Variants in MAD1L1 observed in about 807,000 individuals in gnomAD.
MAD1L1 encodes mitotic arrest deficient 1 like 1, also known as mitotic spindle assembly checkpoint protein MAD1.
Under a neutral mutation model 96.9 loss-of-function variants are expected in MAD1L1, and 95 were observed. The ratio of observed to expected loss-of-function variants is 0.98; its 90% confidence interval spans 0.83 to 1.16. The LOEUF (loss-of-function observed/expected upper bound fraction) is 1.16. MAD1L1 is among the 50% of genes most tolerant of loss of function. The pLI, the probability that MAD1L1 is intolerant of heterozygous loss-of-function variation, is 0.00. For missense variants in MAD1L1, 1,007 were observed against 954.4 expected, an observed-to-expected ratio of 1.06 and a Z score of -0.73; for synonymous variants, 473 against 396.6, an observed-to-expected ratio of 1.19 and a Z score of -2.29.
At chr7:2,202,853 T>C (rs530612062) in intron 10 of MAD1L1, among the ~76,000 whole-genome samples, 8 of 152,348 alleles carry the variant, frequency 5.3e-5, no homozygotes, top group Middle Eastern at 3.4e-3. Flanking sequence ...GTCCTCCTAA[T>C]TGGCCTCACA....
intron 11 of MAD1L1, among the ~76,000 whole-genome samples, chr7:2,108,870 G>T (rs1247515654): frequency 1.3e-5 from 2 of 152,238 alleles, no homozygotes; most frequent in Non-Finnish European, 2.9e-5. Flanking sequence ...CCCGATCCAC[G>T]ATCAGTTCCA....
At chr7:1,869,776 C>T (rs2128654492) in intron 18 of MAD1L1, among the ~76,000 whole-genome samples, 1 of 152,314 alleles carries the variant, frequency 6.6e-6, no homozygotes, top group Non-Finnish European at 1.5e-5. Context: ...CCATGGAACA[C>T]ATCACGACTG....
At position 1,898,203 on chromosome 7, in the gene MAD1L1, G is replaced by C. The variant is rs1361331540; in HGVS notation, c.1995C>G (p.Phe665Leu). ...AGCCGTCACACGCAGGACCCACCTT[G>C]AAGATGAGGCAGTCGCCTGGGTGCT... ...YAEHPGDCLI[F>L]KATSPSGSKM... Residue 665 changes from phenylalanine (F) to leucine (L), a missense_variant, in exon 18 of 19, where the codon TTC (phenylalanine) becomes TTG (leucine). By Grantham distance (22) the Phe-to-Leu change is conservative (BLOSUM62 0). Coordinates refer to ENST00000265854, the MANE Select transcript of MAD1L1 (RefSeq NM_001013836.2). The C allele has an allele frequency of 1.9e-6, 3 of 1,607,436 alleles. No individual in the cohort carries two copies. The African/African-American group carries it at 4.0e-5, about 21-fold the overall frequency.
chr7:1,917,702 G>T (rs756209047), intron 17 of MAD1L1, among the ~76,000 whole-genome samples: 1 of 152,232 alleles, frequency 6.6e-6, no homozygotes, highest in Non-Finnish European at 1.5e-5. Context: ...CGTAGCAAGA[G>T]CAAGAGGGCT....
chr7:2,048,935 T>A (rs1198830769), intron 12 of MAD1L1, among the ~76,000 whole-genome samples: 6 of 152,346 alleles, frequency 3.9e-5, no homozygotes, highest in Non-Finnish European at 8.8e-5. Context: ...GCCATTTTCA[T>A]CAGGGTCCCA....
At chr7:1,911,591 G>C (rs12699449) in intron 17 of MAD1L1, among the ~76,000 whole-genome samples, 66,609 of 151,870 alleles carry the variant, frequency 0.44, 14,768 homozygotes, top group Admixed American at 0.55. Flanking sequence ...AGGGGACGAT[G>C]TTCACCAGCG....
chr7:2,011,143 G>A (rs1214866411), intron 13 of MAD1L1, among the ~76,000 whole-genome samples: 8 of 150,758 alleles, frequency 5.3e-5, no homozygotes, highest in Non-Finnish European at 1.0e-4. Flanking sequence ...CCCACCCCCC[G>A]ACCGTGAGGA....
At position 2,190,860 on chromosome 7, in the gene MAD1L1, G is replaced by T. The variant is rs538916000; in HGVS notation, c.986+22352C>A. On this transcript the variant is annotated intron_variant, in intron 10 of 18. Transcript: ENST00000265854. ...AAGAGCTCGGGATGTGGGGCCAGCG[G>T]AATTCTCACACACGGGTGGCCAGGG... Among the ~76,000 whole-genome samples the T allele has an allele frequency of 2.6e-3, 402 of 152,276 alleles. 2 individuals are homozygous for T. The highest frequency in any genetic ancestry group is 1.7e-3 in the Non-Finnish European group (118 of 68,024).
Position 1,869,519 on chromosome 7 carries a change from C to T in MAD1L1, c.1998+28681G>A, listed in dbSNP as rs149858863. ...GACCTCCCCAGGGCCCTCTTCCCAGCGCCTTTGCTGCCTCCCCTTCTCTCC... is the reference window on the plus strand; with the variant it reads ...GACCTCCCCAGGGCCCTCTTCCCAGTGCCTTTGCTGCCTCCCCTTCTCTCC... On this transcript the variant is annotated intron_variant, in intron 18 of 18. Coordinates refer to ENST00000265854, the MANE Select transcript of MAD1L1 (RefSeq NM_001013836.2). Among the ~76,000 whole-genome samples the T allele has an allele frequency of 9.6e-3, 1,462 of 152,220 alleles. 22 individuals carry two copies. The highest frequency in any genetic ancestry group is 0.034 in the African/African-American group (1,409 of 41,512).
intron 17 of MAD1L1, among the ~76,000 whole-genome samples, chr7:1,934,539 G>A (rs953756019): frequency 2.0e-5 from 3 of 151,768 alleles, no homozygotes; most frequent in Non-Finnish European, 4.4e-5. Context: ...GTGAACCCGA[G>A]ATGCGCAGAG....
At chr7:2,191,709 C>T (rs1637748) in intron 10 of MAD1L1, among the ~76,000 whole-genome samples, 9,048 of 150,930 alleles carry the variant, frequency 0.06, 653 homozygotes, top group African/African-American at 0.17. Flanking sequence ...CCAGCCTGGG[C>T]CACAAAGCAA....
intron 12 of MAD1L1, among the ~76,000 whole-genome samples, chr7:2,056,201 C>T (rs1394371769): frequency 3.6e-4 from 55 of 152,202 alleles, no homozygotes. Flanking sequence ...GATGACACAG[C>T]AGGTACTGGG....
At position 2,215,789 on chromosome 7, in the gene MAD1L1, G is replaced by C. The variant is rs568343985; in HGVS notation, c.924+96C>G. The C allele has an allele frequency of 5.2e-5, 58 of 1,110,094 alleles. 1 individual carries two copies. The African/African-American group carries it at 7.0e-4, about 13-fold the overall frequency. 68.8% of individuals were successfully genotyped at this position (1,110,094 alleles called of 1,614,324 possible). A position where few individuals can be genotyped will look rare whatever the true frequency, so the allele number is the denominator to read the frequency against. On this transcript the variant is annotated intron_variant, in intron 9 of 18. Transcript: ENST00000265854. ...ACCCCATCACAGCAACCTCCATGTT[G>C]TAGGTGAGCAGCTGGTGGGCGTGAC...
At chr7:2,159,181 G>A (rs991796732) in intron 10 of MAD1L1, among the ~76,000 whole-genome samples, 7 of 152,316 alleles carry the variant, frequency 4.6e-5, no homozygotes, top group Non-Finnish European at 8.8e-5. Flanking sequence ...GCAAACCCTC[G>A]TCACGCTGTG....
At position 2,223,950 on chromosome 7, in the gene MAD1L1, C is replaced by T. The variant is rs113501633; in HGVS notation, c.292-1196G>A. Reference sequence around the variant, plus strand: ...AGCTGTGTCTGCGGGCAAGGAAGGACAGTCCTGTTAGAAGGTGGCTGGAGC... The same window carrying T: ...AGCTGTGTCTGCGGGCAAGGAAGGATAGTCCTGTTAGAAGGTGGCTGGAGC... On this transcript the variant is annotated intron_variant, in intron 4 of 18. Transcript: ENST00000265854. 6.6e-5 allele frequency among the ~76,000 whole-genome samples: 10 copies of T among 152,286 alleles called. 1 individual carries two copies. Among genetic ancestry groups the T allele is most frequent in the African/African-American group, 2.4e-4 (10 of 41,566 alleles).
chr7:2,131,129 G>A (rs532990256), intron 11 of MAD1L1, among the ~76,000 whole-genome samples: 42 of 152,306 alleles, frequency 2.8e-4, no homozygotes, highest in African/African-American at 8.9e-4. Context: ...ACTGCACTAT[G>A]AGCTCCTTCA....
At chr7:2,066,460 A>G (rs1784879107) in intron 12 of MAD1L1, among the ~76,000 whole-genome samples, 2 of 152,206 alleles carry the variant, frequency 1.3e-5, no homozygotes, top group African/African-American at 4.8e-5. Flanking sequence ...AGGATAAACA[A>G]CCAGTCCATG....
chr7:2,171,414 C>T (rs1036843911), intron 10 of MAD1L1, among the ~76,000 whole-genome samples: 2 of 152,234 alleles, frequency 1.3e-5, no homozygotes, highest in African/African-American at 2.4e-5. Context: ...TCAACCTCAC[C>T]CCCGGAAGTG....
intron 11 of MAD1L1, among the ~76,000 whole-genome samples, chr7:2,082,135 C>G (rs1380837890): frequency 2.0e-5 from 3 of 152,004 alleles, no homozygotes; most frequent in African/African-American, 4.8e-5. Context: ...CCGGGAACAC[C>G]TGCGCAGGAG....
Sources: allele counts gnomAD v4.1 joint callset (sites outside exome capture counted in the v4.1 genomes callset), GRCh38; gene constraint gnomAD v4.1.1; transcripts MANE v1.5; gene names NCBI Gene and HGNC (gene_info 2026-07-23, HGNC 2026-07-21).